Variants in MSRA observed in about 807,000 individuals in gnomAD.
The protein encoded by MSRA is mitochondrial peptide methionine sulfoxide reductase.
A neutral mutation model predicts 31.3 loss-of-function variants in MSRA; 54 were observed. That is an observed-to-expected ratio of 1.73 (90% CI 1.39 to 2.17). The LOEUF (loss-of-function observed/expected upper bound fraction) is 2.17, where lower values mean the gene tolerates loss of function less well. MSRA is among the 30% of genes most tolerant of loss of function. The pLI is 0.00. For synonymous variants in MSRA, 169 were observed against 116.5 expected, an observed-to-expected ratio of 1.45 and a Z score of -2.90; for missense variants, 507 against 300.9, an observed-to-expected ratio of 1.69 and a Z score of -5.07.
chr8:10,151,951 C>CCTTA (rs1374338307), intron 1 of MSRA, among the ~76,000 whole-genome samples: 2 of 152,064 alleles, frequency 1.3e-5, no homozygotes, highest in African/African-American at 4.8e-5. Flanking sequence ...ACCACCTGAC[C>CCTTA]CTTATTTCCT....
chr8:10,061,745 C>A (rs1797198939), intron 1 of MSRA, among the ~76,000 whole-genome samples: 1 of 152,168 alleles, frequency 6.6e-6, no homozygotes, highest in South Asian at 2.1e-4. Flanking sequence ...CCCCATTGTC[C>A]ATGGGGCATG....
rs139450705 is a variant in MSRA, at chr8:10,367,337, G to A, written c.543+47348G>A. Reference sequence around the variant, plus strand: ...GTGATAATTCTTCTGCTTTATTAGTGTTGCGATAATCTCTTACTGTGCCTA... The same window carrying A: ...GTGATAATTCTTCTGCTTTATTAGTATTGCGATAATCTCTTACTGTGCCTA... On this transcript the variant is annotated intron_variant, in intron 5 of 5. Coordinates refer to ENST00000317173, the MANE Select transcript of MSRA (RefSeq NM_012331.5). 2.9e-3 allele frequency among the ~76,000 whole-genome samples: 447 copies of A among 152,276 alleles called. 2 individuals are homozygous for A. The highest frequency in any genetic ancestry group is 0.01 in the African/African-American group (435 of 41,560).
chr8:10,302,111 C>T (rs987963513), intron 4 of MSRA, among the ~76,000 whole-genome samples: 2 of 152,100 alleles, frequency 1.3e-5, no homozygotes, highest in Non-Finnish European at 2.9e-5. Flanking sequence ...AGGTAAAATG[C>T]AGTATTCACT....
intron 1 of MSRA, among the ~76,000 whole-genome samples, chr8:10,139,697 TC>T (rs1802545253): frequency 6.6e-6 from 1 of 152,256 alleles, no homozygotes; most frequent in Admixed American, 6.5e-5. Flanking sequence ...TCATTCTTTT[TC>T]TTGGCTGAGT....
At chr8:10,284,932 C>G (rs1033023640) in intron 3 of MSRA, among the ~76,000 whole-genome samples, 1 of 151,266 alleles carries the variant, frequency 6.6e-6, no homozygotes, top group Non-Finnish European at 1.5e-5. Context: ...TTTGCATCTT[C>G]AAAATCTAGT....
intron 2 of MSRA, among the ~76,000 whole-genome samples, chr8:10,221,177 C>T (rs1191360471): frequency 1.3e-5 from 2 of 152,152 alleles, no homozygotes; most frequent in Non-Finnish European, 2.9e-5. Flanking sequence ...ATGCTTTTAT[C>T]CTGCTGCCAA....
intron 2 of MSRA, among the ~76,000 whole-genome samples, chr8:10,214,288 C>T (rs1241318320): frequency 6.6e-6 from 1 of 152,140 alleles, no homozygotes; most frequent in Non-Finnish European, 1.5e-5. Flanking sequence ...AGACTTGTCC[C>T]TCTCTGGGGT....
At chr8:10,355,446 G>A (rs923485309) in intron 5 of MSRA, among the ~76,000 whole-genome samples, 14 of 152,162 alleles carry the variant, frequency 9.2e-5, no homozygotes, top group Non-Finnish European at 1.6e-4. Flanking sequence ...ACGATGTGTC[G>A]GAGGGCATTT....
At chr8:10,306,438 G>C (rs1295433582) in intron 4 of MSRA, among the ~76,000 whole-genome samples, 1 of 151,982 alleles carries the variant, frequency 6.6e-6, no homozygotes, top group Non-Finnish European at 1.5e-5. Context: ...TGTTGCCCTT[G>C]ATTCTTTGTC....
intron 5 of MSRA, among the ~76,000 whole-genome samples, 175 bp from the exon 6 acceptor site, chr8:10,427,973 A>G (rs1809288184): frequency 1.3e-5 from 2 of 152,240 alleles, no homozygotes; most frequent in South Asian, 4.1e-4. Flanking sequence ...ACAGCAAGGT[A>G]AGTCCCTGCC....
Position 10,404,554 on chromosome 8 carries a change from C to A in MSRA, c.544-23594C>A, listed in dbSNP as rs1306198454. 5.9e-5 allele frequency among the ~76,000 whole-genome samples: 9 copies of A among 152,244 alleles called. No homozygotes were observed. The East Asian group carries it at 1.7e-3, about 29-fold the overall frequency. On this transcript the variant is annotated intron_variant, in intron 5 of 5. Coordinates refer to ENST00000317173, the MANE Select transcript of MSRA (RefSeq NM_012331.5). The stretch of plus-strand genomic sequence containing the variant: ...CCCGGGCGGCCGCTCCCTCCCTCAC[C>A]TACGATCTGCCGTCAGCAGCTGCTT...
Position 10,146,118 on chromosome 8 carries a change from G to T in MSRA, c.143-61715G>T, listed in dbSNP as rs1409891212. On this transcript the variant is annotated intron_variant, in intron 1 of 5. Transcript: ENST00000317173. ...AATGGTTCCTGCTGTCCAGGAGTGT[G>T]TGGTTTGGACCAGAACAAAACAAGC... 3.3e-5 allele frequency among the ~76,000 whole-genome samples: 5 copies of T among 152,306 alleles called. No individual in the cohort carries two copies. In the East Asian group the frequency reaches 9.7e-4, roughly 29 times the overall value.
chr8:10,407,791 G>A (rs1225133186), intron 5 of MSRA, among the ~76,000 whole-genome samples: 1 of 152,066 alleles, frequency 6.6e-6, no homozygotes, highest in Non-Finnish European at 1.5e-5. Flanking sequence ...GTATAGGATA[G>A]CTTACATTTT....
At chr8:10,289,113 T>C (rs998857332) in intron 3 of MSRA, among the ~76,000 whole-genome samples, 2 of 152,088 alleles carry the variant, frequency 1.3e-5, no homozygotes, top group Admixed American at 1.3e-4. Flanking sequence ...CCTCCCAGGT[T>C]CAAGCCATTC....
chr8:10,425,429 G>T (rs1168764412), intron 5 of MSRA, among the ~76,000 whole-genome samples: 3 of 152,384 alleles, frequency 2.0e-5, no homozygotes, highest in South Asian at 2.1e-4. Flanking sequence ...GGGCCTGCAG[G>T]TGGCTGCGAA....
chr8:10,233,371 A>T (rs1477461550), intron 2 of MSRA, among the ~76,000 whole-genome samples: 2 of 152,276 alleles, frequency 1.3e-5, no homozygotes, highest in African/African-American at 4.8e-5. Context: ...AGGAGGCAAC[A>T]ATATGAAGAA....
At chr8:10,287,607 G>A (rs547537043) in intron 3 of MSRA, among the ~76,000 whole-genome samples, 75 of 152,272 alleles carry the variant, frequency 4.9e-4, no homozygotes, top group Admixed American at 1.2e-3. Context: ...CCGTTCTCAT[G>A]CGTTGGACTT....
chr8:10,170,567 TA>T (rs902688618), intron 1 of MSRA, among the ~76,000 whole-genome samples: 2 of 151,970 alleles, frequency 1.3e-5, no homozygotes, highest in African/African-American at 4.8e-5. Context: ...AAAATGTTTT[TA>T]AAAAAAACAC....
At chr8:10,132,309 ACT>A (rs1457667301) in intron 1 of MSRA, among the ~76,000 whole-genome samples, 1 of 151,896 alleles carries the variant, frequency 6.6e-6, no homozygotes, top group Non-Finnish European at 1.5e-5. Flanking sequence ...CTGCCTGGCC[ACT>A]CTCTGTTCTT....
Sources: allele counts gnomAD v4.1 joint callset (sites outside exome capture counted in the v4.1 genomes callset), GRCh38; gene constraint gnomAD v4.1.1; transcripts MANE v1.5; gene names NCBI Gene and HGNC (gene_info 2026-07-23, HGNC 2026-07-21).